CFAP47: variants seen among roughly 807,000 people sequenced by gnomAD.
The protein encoded by CFAP47 is cilia and flagella associated protein 47.
A neutral mutation model predicts 148.1 loss-of-function variants in CFAP47; 29 were observed. The observed-to-expected ratio is 0.20, with a 90% CI of 0.15 to 0.27. The LOEUF (loss-of-function observed/expected upper bound fraction) is 0.27. Ranked by LOEUF, CFAP47 falls within the 10% of genes least tolerant of loss-of-function variation. The pLI, the probability that CFAP47 is intolerant of heterozygous loss-of-function variation, is 1.00. For missense variants in CFAP47, 1,872 were observed against 1,697.5 expected, an observed-to-expected ratio of 1.10 and a Z score of -1.81; for synonymous variants, 664 against 577.3, an observed-to-expected ratio of 1.15 and a Z score of -2.15.
At chrX:36,141,712 C>T (rs1287956497) in intron 35 of CFAP47, among the ~76,000 whole-genome samples, 1 of 111,957 alleles carries the variant, frequency 8.9e-6, no homozygotes, top group African/African-American at 3.2e-5. Flanking sequence ...AAAGATAAAG[C>T]CAGACAATCA....
chrX:36,171,189 G>A (rs1939572176), intron 39 of CFAP47, among the ~76,000 whole-genome samples: 1 of 106,246 alleles, frequency 9.4e-6, no homozygotes, highest in African/African-American at 3.5e-5. Context: ...TGTAGATTCT[G>A]GATATTAGCC....
chrX:35,921,212 A>G (rs1935572436), intron 1 of CFAP47, among the ~76,000 whole-genome samples: 1 of 111,980 alleles, frequency 8.9e-6, no homozygotes, highest in African/African-American at 3.2e-5. Flanking sequence ...TGTGGAACTG[A>G]CCACTATTCT....
At chrX:36,048,013 C>A (rs1937487091) in intron 26 of CFAP47, among the ~76,000 whole-genome samples, 1 of 111,579 alleles carries the variant, frequency 9.0e-6, no homozygotes, top group African/African-American at 3.3e-5. Flanking sequence ...TTAATACTGG[C>A]AAATCCTTTT....
intron 37 of CFAP47, among the ~76,000 whole-genome samples, chrX:36,152,729 G>C (rs1453022523): frequency 9.0e-6 from 1 of 111,324 alleles, no homozygotes; most frequent in Non-Finnish European, 1.9e-5. Flanking sequence ...GTCTTAATTG[G>C]AACCTTGAGC....
chrX:35,931,341 A>C (rs1298345971), intron 2 of CFAP47, among the ~76,000 whole-genome samples: 1 of 110,558 alleles, frequency 9.0e-6, no homozygotes, highest in Non-Finnish European at 1.9e-5. Flanking sequence ...AGCTTTTTGC[A>C]CTTTTTTTTC....
chrX:35,972,683 G>C (rs1227345205), intron 13 of CFAP47, among the ~76,000 whole-genome samples: 4 of 111,554 alleles, frequency 3.6e-5, no homozygotes, highest in Non-Finnish European at 7.5e-5. Context: ...TCACCCACGT[G>C]GTAGGTAGTA....
chrX:35,937,104 GTTTTTTTTTTTTTTT>G (rs377601530), intron 2 of CFAP47, among the ~76,000 whole-genome samples: 661 of 55,546 alleles, frequency 0.012, 20 homozygotes, highest in African/African-American at 0.04. Flanking sequence ...TGCAATTGCT[GTTTTTTTTTTTTTTT>G]TTTTTTTTTT....
At chrX:36,378,570 G>A (rs1462407754) in intron 62 of CFAP47, among the ~76,000 whole-genome samples, 4 of 111,467 alleles carry the variant, frequency 3.6e-5, no homozygotes, top group African/African-American at 1.3e-4. Flanking sequence ...ATGGAGTTTC[G>A]CTCTTGTTGC....
At chrX:36,212,838 A>C (rs1940117522) in intron 45 of CFAP47, among the ~76,000 whole-genome samples, 3 of 111,458 alleles carry the variant, frequency 2.7e-5, no homozygotes, top group African/African-American at 9.8e-5. Flanking sequence ...AGCCAGGAGC[A>C]GTGGATCATC....
rs757126842 is a variant in CFAP47, at chrX:36,104,566, C to T, written c.5195C>T (p.Thr1732Ile). Residue 1732 changes from threonine (T) to isoleucine (I), a missense_variant, in exon 33 of 64, where the codon ACA becomes ATA. Physicochemically the swap from Thr to Ile is moderately conservative, Grantham distance 89 (BLOSUM62 -1). Transcript: ENST00000378653. ...ATGCCCCCCATATGTGTGCAAAATA[C>T]ACCAAAAGTCAATCCTTGTTTTGCA... is the stretch of plus-strand genomic sequence containing the variant. ...NNMPPICVQN[T>I]PKVNPCFASS... The T allele has an allele frequency of 9.9e-7, 1 of 1,006,514 alleles. No individual in the cohort carries two copies. The allele number at this position is 1,006,514 out of a possible 1,213,427, so 82.9% of individuals were successfully genotyped here. A position where few individuals can be genotyped will look rare whatever the true frequency, so the allele number is the denominator to read the frequency against.
At chrX:35,931,652 G>T (rs1324287944) in intron 2 of CFAP47, among the ~76,000 whole-genome samples, 1 of 111,367 alleles carries the variant, frequency 9.0e-6, no homozygotes, top group African/African-American at 3.3e-5. Context: ...TTTTAGGGTT[G>T]CATCTTGATT....
At chrX:36,263,081 G>A (rs1414310361) in intron 49 of CFAP47, among the ~76,000 whole-genome samples, 1 of 111,913 alleles carries the variant, frequency 8.9e-6, no homozygotes, top group Non-Finnish European at 1.9e-5. Context: ...TTATAGAGTT[G>A]TTTGAGCTCC....
At chrX:36,257,648 G>A (rs1306800825) in intron 49 of CFAP47, among the ~76,000 whole-genome samples, 1 of 110,756 alleles carries the variant, frequency 9.0e-6, no homozygotes, top group Non-Finnish European at 1.9e-5. Context: ...CTCTTGAACT[G>A]CTGGGCTCAA....
chrX:36,068,126 C>G (rs2146756334), intron 27 of CFAP47, among the ~76,000 whole-genome samples: 1 of 112,023 alleles, frequency 8.9e-6, no homozygotes, highest in South Asian at 3.7e-4. Context: ...TAATCTTCTG[C>G]AAGTTCTTTG....
At chrX:36,232,731 T>A (rs1173039842) in intron 46 of CFAP47, among the ~76,000 whole-genome samples, 1 of 112,131 alleles carries the variant, frequency 8.9e-6, no homozygotes, top group Non-Finnish European at 1.9e-5. Context: ...AGATCTTTCC[T>A]GCTTTCTCTT....
chrX:35,971,103 G>A (rs1269475657), intron 11 of CFAP47, among the ~76,000 whole-genome samples, 180 bp downstream of exon 11: 1 of 111,777 alleles, frequency 8.9e-6, no homozygotes, highest in Non-Finnish European at 1.9e-5. Flanking sequence ...CTTTTAACTC[G>A]GAATTGTCTT....
At chrX:36,349,074 T>C (rs1339014289) in intron 58 of CFAP47, among the ~76,000 whole-genome samples, 1 of 111,103 alleles carries the variant, frequency 9.0e-6, no homozygotes, top group African/African-American at 3.3e-5. Flanking sequence ...AAACTTAATA[T>C]TTTGCTCAAT....
chrX:36,172,946 G>A (rs1449964471), intron 39 of CFAP47, among the ~76,000 whole-genome samples: 1 of 110,891 alleles, frequency 9.0e-6, no homozygotes, highest in Admixed American at 9.6e-5. Context: ...TTTTTTGTTG[G>A]TAAGCTATTG....
chrX:36,227,647 C>A (rs1056232857), intron 45 of CFAP47, among the ~76,000 whole-genome samples: 1 of 111,835 alleles, frequency 8.9e-6, no homozygotes, highest in East Asian at 2.8e-4. Flanking sequence ...AAAATTGTAG[C>A]CATTTAATGT....
Sources: gnomAD v4.1 joint callset for allele counts (sites outside exome capture counted in the v4.1 genomes callset) on GRCh38, gnomAD v4.1.1 for gene constraint, MANE v1.5 for transcripts, NCBI Gene and HGNC (gene_info 2026-07-23, HGNC 2026-07-21) for gene names.